The following FANCE variants were observed in gnomAD, a reference collection of about 807,000 sequenced individuals.
The protein encoded by FANCE is Fanconi anemia group E protein.
In FANCE, 42 loss-of-function variants were observed where a neutral mutation model predicts 57.8. That is an observed-to-expected ratio of 0.73 (90% CI 0.57 to 0.94). The LOEUF (loss-of-function observed/expected upper bound fraction) is 0.94. Ranked by LOEUF, FANCE falls within the 40% of genes least tolerant of loss-of-function variation. FANCE has a pLI of 0.00. For missense variants in FANCE, 608 were observed against 661.8 expected, an observed-to-expected ratio of 0.92 and a Z score of 0.89; for synonymous variants, 251 against 286.4, an observed-to-expected ratio of 0.88 and a Z score of 1.25.
rs1767141552 is a variant in FANCE, at chr6:35,452,502, G to GC, written c.-40dup. ...CGTTCCCCTCAGCCTCTGAGCTGAGGCCCCACACCAGAGTAGGGGGCGGCG... is the reference window on the plus strand; with the variant it reads ...CGTTCCCCTCAGCCTCTGAGCTGAGGCCCCCACACCAGAGTAGGGGGCGGCG... On this transcript the variant is annotated 5_prime_UTR_variant, in exon 1 of 10. Coordinates refer to ENST00000229769, the MANE Select transcript of FANCE (RefSeq NM_021922.3). The GC allele has an allele frequency of 8.1e-7, 1 of 1,238,534 alleles. No homozygotes were observed. The highest frequency in any genetic ancestry group is 3.5e-5 in the South Asian group (1 of 28,974). 76.7% of individuals were successfully genotyped at this position (1,238,534 alleles called of 1,614,324 possible).
At chr6:35,457,783 C>G in intron 3 of FANCE, 133 bp from the exon 4 acceptor site, 1 of 1,015,354 alleles carries the variant, frequency 9.8e-7, no homozygotes, top group Non-Finnish European at 1.5e-6. Flanking sequence ...TACCATCTAA[C>G]CCCAGGTAAC....
rs2150890091 is a variant in FANCE at position 35,455,829 on chromosome 6, G to C, written c.331G>C (p.Glu111Gln). The change falls in exon 2 of 10, where the codon GAA becomes CAA. Residue 111 changes from glutamate (E) to glutamine (Q), a missense_variant. Coordinates refer to ENST00000229769, the MANE Select transcript of FANCE (RefSeq NM_021922.3). The stretch of plus-strand genomic sequence containing the variant: ...GATGGCCGTTCGGCCATCGCTGCCG[G>C]AAAGTGGGCTCCTCTCTGTGCTGCA... ...LLMAVRPSLP[E>Q]SGLLSVLQIA... The C allele has an allele frequency of 6.2e-7, 1 of 1,614,210 alleles. No homozygotes were observed.
chr6:35,462,749 C>A (rs755967674), intron 8 of FANCE, 40 bp from the exon 9 acceptor site: 9 of 1,613,498 alleles, frequency 5.6e-6, no homozygotes, highest in Middle Eastern at 3.3e-4. Context: ...AGAGCCCAAG[C>A]CTTTCTTGTG....
intron 7 of FANCE, 107 bp downstream of exon 7, chr6:35,459,867 GCCTTATGT>G (rs1358553255): frequency 3.2e-6 from 3 of 929,276 alleles, no homozygotes; most frequent in Non-Finnish European, 5.3e-6. Context: ...TCTCTAGGAA[GCCTTATGT>G]GTATCATCTC....
rs1767837366 is a variant in FANCE, at chr6:35,466,377, C to T, written c.*32C>T. The T allele has an allele frequency of 7.6e-7, 1 of 1,310,940 alleles. No homozygotes were observed. Among genetic ancestry groups the T allele is most frequent in the African/African-American group, 1.5e-5 (1 of 68,866 alleles). The allele number at this position is 1,310,940 out of a possible 1,614,324, so 81.2% of individuals were successfully genotyped here. ...ACCAAGGGACCACCCTCTTGGTGCT[C>T]CATCACCAGCTTCCTGAAGGGCATT... On this transcript the variant is annotated 3_prime_UTR_variant, in exon 10 of 10. Transcript: ENST00000229769.
intron 9 of FANCE, among the ~76,000 whole-genome samples, chr6:35,465,744 A>G (rs1264882897): frequency 1.3e-5 from 2 of 152,190 alleles, no homozygotes; most frequent in Admixed American, 6.5e-5. Context: ...CTGTACTATT[A>G]AGAAGCATCT....
chr6:35,466,307 A>G lies in FANCE; in HGVS notation c.1573A>G (p.Lys525Glu), dbSNP rs1256798501. Residue 525 changes from lysine (K) to glutamate (E), a missense_variant, in exon 10 of 10, where the codon AAG (lysine) becomes GAG (glutamate). By Grantham distance (56) the Lys-to-Glu change is moderately conservative (BLOSUM62 1). Coordinates refer to ENST00000229769, the MANE Select transcript of FANCE (RefSeq NM_021922.3). Reference protein sequence around the residue: ...ALEPNTTFLRKSLKAALKHLG... With the variant: ...ALEPNTTFLRESLKAALKHLG... ...AGAACCTAACACCACCTTCCTGAGG[A>G]AGTCCCTGAAGGCCGCCTTGAAACA... 1.2e-6 allele frequency: 2 copies of G among 1,613,892 alleles called. No homozygotes were observed. The highest frequency in any genetic ancestry group is 1.7e-5 in the Admixed American group (1 of 60,010).
chr6:35,455,701 C>T, intron 1 of FANCE, 46 bp from the exon 2 acceptor site: 1 of 1,609,286 alleles, frequency 6.2e-7, no homozygotes, highest in African/African-American at 1.3e-5. Context: ...GCCTTGTGCT[C>T]CCTTCAGCCA....
chr6:35,464,422 A>G (rs1302631501), intron 9 of FANCE, among the ~76,000 whole-genome samples: 1 of 151,568 alleles, frequency 6.6e-6, no homozygotes, highest in Non-Finnish European at 1.5e-5. Flanking sequence ...TATTTTTAGT[A>G]GAGATGGGGT....
intron 9 of FANCE, among the ~76,000 whole-genome samples, chr6:35,465,679 G>A (rs1767803343): frequency 6.6e-6 from 1 of 152,228 alleles, no homozygotes; most frequent in Non-Finnish European, 1.5e-5. Flanking sequence ...GACCTCCAAT[G>A]TGAGGCATCA....
At chr6:35,461,870 A>G (rs905098243) in intron 8 of FANCE, among the ~76,000 whole-genome samples, 13 of 151,698 alleles carry the variant, frequency 8.6e-5, no homozygotes, top group African/African-American at 2.2e-4. Flanking sequence ...GATGGTCTCT[A>G]TCTCCTGACC....
At chr6:35,458,627 C>T (rs538616075) in intron 5 of FANCE, among the ~76,000 whole-genome samples, 187 bp downstream of exon 5, 29 of 150,898 alleles carry the variant, frequency 1.9e-4, no homozygotes, top group African/African-American at 3.9e-4. Flanking sequence ...CATCTACCCA[C>T]ATGGCATCTA....
rs1432514213 is a variant in FANCE, at chr6:35,452,654, C to T, written c.109C>T (p.Pro37Ser). ...CCTGCTGCAGGCGCTGCAGGCGGGG[C>T]CTGAGGGGGCGCGGCGCGGCCTGGG... ...RLLLQALQAG[P>S]EGARRGLGVL... Residue 37 changes from proline to serine, a missense_variant, in exon 1 of 10, where the codon CCT (proline) becomes TCT (serine). Physicochemically the swap from Pro to Ser is moderately conservative, Grantham distance 74. Coordinates refer to ENST00000229769, the MANE Select transcript of FANCE (RefSeq NM_021922.3). 1.6e-6 allele frequency: 2 copies of T among 1,246,432 alleles called. No individual in the cohort carries two copies. Among genetic ancestry groups the T allele is most frequent in the Non-Finnish European group, 2.0e-6 (2 of 998,798 alleles). The allele number at this position is 1,246,432 out of a possible 1,614,324, so 77.2% of individuals were successfully genotyped here.
At chr6:35,458,640 T>A (rs1767452627) in intron 5 of FANCE, among the ~76,000 whole-genome samples, 200 bp downstream of exon 5, 1 of 118,394 alleles carries the variant, frequency 8.4e-6, no homozygotes, top group South Asian at 3.2e-4. Flanking sequence ...GGCATCTAAC[T>A]TTTTTTTTTT....
At chr6:35,461,771 C>T (rs1767598687) in intron 8 of FANCE, among the ~76,000 whole-genome samples, 1 of 151,894 alleles carries the variant, frequency 6.6e-6, no homozygotes, top group South Asian at 2.1e-4. Context: ...CCTCAGCCTC[C>T]CGAGTAGCTG....
intron 9 of FANCE, 121 bp from the exon 10 acceptor site, chr6:35,466,123 A>T (rs1319687110): frequency 4.0e-6 from 3 of 750,066 alleles, no homozygotes; most frequent in Non-Finnish European, 7.3e-6. Context: ...TAGATTGCTC[A>T]GGAGTCTCCT....
intron 3 of FANCE, 75 bp from the exon 4 acceptor site, chr6:35,457,841 G>A (rs1442799061): frequency 7.5e-7 from 1 of 1,335,678 alleles, no homozygotes. Flanking sequence ...CACTCCTTCT[G>A]CCACCTGAAG....
intron 9 of FANCE, 64 bp from the exon 10 acceptor site, chr6:35,466,180 G>A: frequency 2.0e-6 from 2 of 1,013,304 alleles, no homozygotes; most frequent in African/African-American, 1.6e-5. Flanking sequence ...AGAGCCCCTG[G>A]GGTAGTCGGG....
rs542717013 is a variant in FANCE at position 35,458,463 on chromosome 6, A to AC, written c.1113+23_1113+24insC. The AC allele has an allele frequency of 1.5e-3, 2,354 of 1,613,788 alleles. 18 individuals carry two copies. Among genetic ancestry groups the AC allele is most frequent in the South Asian group, 0.013 (1,183 of 91,068 alleles). On this transcript the variant is annotated intron_variant, in intron 5 of 9. Coordinates refer to ENST00000229769, the MANE Select transcript of FANCE (RefSeq NM_021922.3). ...CGGGTAGGTGTATTGGGAGGTACTC[A>AC]GAGTGCCAAGGACAATGGGGAAGAG...
Sources: allele counts gnomAD v4.1 joint callset (sites outside exome capture counted in the v4.1 genomes callset), GRCh38; gene constraint gnomAD v4.1.1; transcripts MANE v1.5; gene names NCBI Gene and HGNC (gene_info 2026-07-23, HGNC 2026-07-21).